BACH2: variants seen among roughly 807,000 people sequenced by gnomAD.
The protein encoded by BACH2 is transcription regulator protein BACH2.
BACH2 carries 5 observed loss-of-function variants against 61.8 expected under a neutral mutation model. That is an observed-to-expected ratio of 0.08 (90% CI 0.04 to 0.17). BACH2 has a LOEUF of 0.17. BACH2 is among the 10% of genes least tolerant of loss of function. BACH2 has a pLI of 1.00. For synonymous variants in BACH2, 446 were observed against 440.1 expected (o/e 1.01, Z -0.17); for missense variants, 824 against 1,091.1 (o/e 0.76, Z 3.45).
intron 4 of BACH2, among the ~76,000 whole-genome samples, chr6:90,150,735 C>T (rs935557607): frequency 6.6e-6 from 1 of 151,898 alleles, no homozygotes; most frequent in Non-Finnish European, 1.5e-5. Context: ...GTGGAGGACC[C>T]CTTGTGTTGC....
At chr6:90,196,306 T>C (rs985767702) in intron 4 of BACH2, among the ~76,000 whole-genome samples, 2 of 152,170 alleles carry the variant, frequency 1.3e-5, no homozygotes, top group Non-Finnish European at 2.9e-5. Context: ...ATAAAAAAGG[T>C]AGCAATTTTT....
intron 2 of BACH2, among the ~76,000 whole-genome samples, chr6:90,257,911 A>C (rs943859121): frequency 1.3e-5 from 2 of 151,896 alleles, no homozygotes; most frequent in Admixed American, 1.3e-4. Context: ...AAGTAGCTGG[A>C]ATTACAGGTG....
intron 2 of BACH2, among the ~76,000 whole-genome samples, chr6:90,269,318 C>A (rs1771447196): frequency 6.6e-6 from 1 of 152,114 alleles, no homozygotes; most frequent in Non-Finnish European, 1.5e-5. Flanking sequence ...AAAGTTGATA[C>A]ACCAAGTTAC....
rs1772802235 is a variant in BACH2 at position 89,933,419 on chromosome 6, C to A, written c.2044-529G>T. Among the ~76,000 whole-genome samples, 3 of 152,066 alleles carry A rather than the reference C, an allele frequency of 2.0e-5. No homozygotes were observed. In the South Asian group the frequency reaches 6.2e-4, roughly 32 times the overall value. On this transcript the variant is annotated intron_variant, in intron 8 of 8. Transcript: ENST00000257749. ...AGGTGGAGCACAGAGGATTTGGGGG[C>A]AGTGAAGCCACTCTGTATGACACTA...
intron 6 of BACH2, among the ~76,000 whole-genome samples, chr6:90,007,653 G>T (rs935810417): frequency 6.6e-6 from 1 of 152,296 alleles, no homozygotes; most frequent in Non-Finnish European, 1.5e-5. Context: ...GGGTGATGGG[G>T]TCTTTGGTTT....
intron 4 of BACH2, among the ~76,000 whole-genome samples, chr6:90,092,703 C>G (rs1782222737): frequency 1.3e-5 from 2 of 151,966 alleles, no homozygotes; most frequent in Admixed American, 1.3e-4. Context: ...GAAAAGAACA[C>G]AAGAAGATGT....
chr6:90,038,805 G>A (rs897748104), intron 5 of BACH2, among the ~76,000 whole-genome samples: 2 of 152,110 alleles, frequency 1.3e-5, no homozygotes, highest in Admixed American at 6.5e-5. Flanking sequence ...TTGGGAGGCT[G>A]AGGTGGGTGG....
chr6:90,222,944 C>T (rs951636062), intron 3 of BACH2, among the ~76,000 whole-genome samples: 14 of 152,160 alleles, frequency 9.2e-5, no homozygotes, highest in Admixed American at 2.0e-4. Flanking sequence ...CACTCTGGCG[C>T]GCACCCCTGC....
At position 90,053,160 on chromosome 6, in the gene BACH2, C is replaced by T. The variant is rs115535533; in HGVS notation, c.-13+35801G>A. On this transcript the variant is annotated intron_variant, in intron 5 of 8. Transcript: ENST00000257749. The stretch of plus-strand genomic sequence containing the variant: ...TTCCTCATATATAGGGAGTTTTACA[C>T]AGTATTTTAAACCAGCAATATTTGT... Among the ~76,000 whole-genome samples, 848 of 152,276 alleles carry T rather than the reference C, an allele frequency of 5.6e-3. 8 individuals are homozygous for T. The highest frequency in any genetic ancestry group is 0.019 in the African/African-American group (808 of 41,564).
chr6:89,985,013 C>T (rs925552979), intron 6 of BACH2, among the ~76,000 whole-genome samples: 7 of 152,128 alleles, frequency 4.6e-5, no homozygotes, highest in South Asian at 2.1e-4. Context: ...GCTGAGTCCT[C>T]GGGCAGGAGA....
chr6:90,219,365 T>A (rs1769658640), intron 3 of BACH2, among the ~76,000 whole-genome samples: 1 of 152,210 alleles, frequency 6.6e-6, no homozygotes, highest in Non-Finnish European at 1.5e-5. Flanking sequence ...CAAGCGGGTG[T>A]TCCAGCTTAC....
At chr6:90,043,254 G>A (rs1003910908) in intron 5 of BACH2, among the ~76,000 whole-genome samples, 3 of 152,118 alleles carry the variant, frequency 2.0e-5, no homozygotes, top group African/African-American at 4.8e-5. Context: ...TAATCCTTGC[G>A]ACAGCAGTGT....
intron 3 of BACH2, among the ~76,000 whole-genome samples, chr6:90,235,740 T>C (rs936605679): frequency 1.3e-5 from 2 of 152,226 alleles, no homozygotes; most frequent in African/African-American, 4.8e-5. Context: ...GGACAATCCC[T>C]TAGAGACAAT....
intron 4 of BACH2, among the ~76,000 whole-genome samples, chr6:90,122,479 T>C (rs555818317): frequency 3.3e-4 from 51 of 152,312 alleles, no homozygotes; most frequent in African/African-American, 1.2e-3. Flanking sequence ...GCCACACTCA[T>C]TTTAGTCTTG....
intron 5 of BACH2, among the ~76,000 whole-genome samples, chr6:90,026,283 G>A (rs150276671): frequency 6.6e-6 from 1 of 152,154 alleles, no homozygotes; most frequent in Non-Finnish European, 1.5e-5. Flanking sequence ...GAGGGAGAGA[G>A]AGGAAAGAGG....
chr6:89,941,468 T>C (rs557683340), intron 7 of BACH2, among the ~76,000 whole-genome samples: 1 of 152,328 alleles, frequency 6.6e-6, no homozygotes, highest in Admixed American at 6.5e-5. Context: ...ATGACACCAC[T>C]GTCGGCTTGG....
chr6:90,223,245 G>A (rs991878773), intron 3 of BACH2, among the ~76,000 whole-genome samples: 7 of 152,150 alleles, frequency 4.6e-5, no homozygotes, highest in African/African-American at 1.7e-4. Context: ...GTTAGGCAAC[G>A]CTGGGCACTG....
chr6:89,998,931 A>G (rs1025670163), intron 6 of BACH2, among the ~76,000 whole-genome samples: 1 of 152,206 alleles, frequency 6.6e-6, no homozygotes, highest in African/African-American at 2.4e-5. Flanking sequence ...TGACATTCCA[A>G]ATTTTTGAAT....
At chr6:90,104,152 C>A (rs1383173421) in intron 4 of BACH2, among the ~76,000 whole-genome samples, 2 of 152,120 alleles carry the variant, frequency 1.3e-5, no homozygotes, top group African/African-American at 4.8e-5. Flanking sequence ...ATCACTGATT[C>A]TGGAGAAGGC....
Sources: gnomAD v4.1 joint callset for allele counts (sites outside exome capture counted in the v4.1 genomes callset) on GRCh38, gnomAD v4.1.1 for gene constraint, MANE v1.5 for transcripts, NCBI Gene and HGNC (gene_info 2026-07-23, HGNC 2026-07-21) for gene names.